The following DTNBP1 variants were observed in gnomAD, a reference collection of about 807,000 sequenced individuals.
DTNBP1 encodes the protein dysbindin.
In DTNBP1, 35 loss-of-function variants were observed where a neutral mutation model predicts 42.8. That is an observed-to-expected ratio of 0.82 (90% CI 0.63 to 1.09). The LOEUF is 1.09. Among genes scored for constraint, DTNBP1 ranks in the 50% least tolerant of loss-of-function variants. DTNBP1 has a pLI of 0.00. For synonymous variants in DTNBP1, 171 were observed against 162.2 expected, an observed-to-expected ratio of 1.05 and a Z score of -0.41; for missense variants, 457 against 424.2, an observed-to-expected ratio of 1.08 and a Z score of -0.68.
intron 7 of DTNBP1, among the ~76,000 whole-genome samples, chr6:15,591,140 C>T (rs1259585743): frequency 2.7e-5 from 4 of 148,112 alleles, no homozygotes; most frequent in African/African-American, 7.5e-5. Flanking sequence ...ACAAGAGTCT[C>T]ATTCTGTGGC....
At chr6:15,661,808 T>C (rs915913500) in intron 1 of DTNBP1, among the ~76,000 whole-genome samples, 7 of 152,224 alleles carry the variant, frequency 4.6e-5, no homozygotes, top group African/African-American at 1.7e-4. Flanking sequence ...AATTAAGCAC[T>C]AAGTAACAAT....
intron 8 of DTNBP1, among the ~76,000 whole-genome samples, chr6:15,529,332 T>G (rs1027920806): frequency 4.6e-5 from 7 of 152,032 alleles, no homozygotes; most frequent in African/African-American, 1.7e-4. Context: ...ATAAGAAAAC[T>G]GGAAACACCC....
intron 2 of DTNBP1, 61 bp from the exon 3 acceptor site, chr6:15,651,424 AGGTAC>A: frequency 6.5e-7 from 1 of 1,548,726 alleles, no homozygotes; most frequent in South Asian, 1.2e-5. Flanking sequence ...AAAAAAAAAA[AGGTAC>A]ATACAAGAAT....
At chr6:15,560,970 A>G (rs1319318203) in intron 7 of DTNBP1, among the ~76,000 whole-genome samples, 1 of 152,214 alleles carries the variant, frequency 6.6e-6, no homozygotes, top group Non-Finnish European at 1.5e-5. Flanking sequence ...GTATAATAAG[A>G]CTAAAGTTTA....
intron 6 of DTNBP1, among the ~76,000 whole-genome samples, chr6:15,606,012 A>C (rs931584237): frequency 6.6e-6 from 1 of 152,248 alleles, no homozygotes; most frequent in East Asian, 1.9e-4. Context: ...GTACAACCAC[A>C]CAAGTGTCTT....
intron 7 of DTNBP1, among the ~76,000 whole-genome samples, chr6:15,578,290 A>G (rs960683970): frequency 6.6e-6 from 1 of 152,228 alleles, no homozygotes; most frequent in Admixed American, 6.5e-5. Flanking sequence ...GAGGAAAGCA[A>G]TGAGGAATGG....
intron 7 of DTNBP1, among the ~76,000 whole-genome samples, chr6:15,559,858 C>CT (rs1221825265): frequency 1.3e-5 from 2 of 152,178 alleles, no homozygotes; most frequent in African/African-American, 4.8e-5. Context: ...ATCTTGACAA[C>CT]TTTTTTGCAG....
At chr6:15,625,753 A>G (rs1236836283) in intron 5 of DTNBP1, among the ~76,000 whole-genome samples, 1 of 152,248 alleles carries the variant, frequency 6.6e-6, no homozygotes, top group Non-Finnish European at 1.5e-5. Flanking sequence ...AGAGGTTATC[A>G]TAAGAGAACA....
chr6:15,592,993 T>G (rs1387203588), intron 7 of DTNBP1, 66 bp downstream of exon 7: 1 of 1,413,540 alleles, frequency 7.1e-7, no homozygotes. Context: ...TTCATCATTG[T>G]CGAGAGAACA....
chr6:15,644,526 T>C (rs575943471), intron 3 of DTNBP1, among the ~76,000 whole-genome samples: 1 of 152,278 alleles, frequency 6.6e-6, no homozygotes, highest in East Asian at 1.9e-4. Flanking sequence ...GACCACATGC[T>C]CAATCATAAA....
chr6:15,608,892 A>G (rs1758227833), intron 6 of DTNBP1, among the ~76,000 whole-genome samples: 1 of 152,216 alleles, frequency 6.6e-6, no homozygotes, highest in African/African-American at 2.4e-5. Flanking sequence ...TATGTATTTG[A>G]CAACAGATCT....
At chr6:15,631,993 G>A (rs960380697) in intron 4 of DTNBP1, among the ~76,000 whole-genome samples, 3 of 152,170 alleles carry the variant, frequency 2.0e-5, no homozygotes, top group Non-Finnish European at 2.9e-5. Flanking sequence ...GTAATCTAAT[G>A]AGTGAAAATT....
chr6:15,585,114 C>G (rs952138080), intron 7 of DTNBP1, among the ~76,000 whole-genome samples: 17 of 117,928 alleles, frequency 1.4e-4, no homozygotes, highest in African/African-American at 5.6e-4. Flanking sequence ...TATATATATT[C>G]AACCTGTATG....
intron 7 of DTNBP1, among the ~76,000 whole-genome samples, chr6:15,549,533 G>A (rs9464796): frequency 0.8 from 116,845 of 145,160 alleles, 47,284 homozygotes; most frequent in East Asian, 1. Flanking sequence ...CCGAAATATC[G>A]CAATCCAGAA....
intron 1 of DTNBP1, among the ~76,000 whole-genome samples, chr6:15,653,509 A>G (rs574582104): frequency 1.1e-4 from 16 of 152,322 alleles, no homozygotes; most frequent in African/African-American, 3.4e-4. Context: ...GCACTGGAAA[A>G]CAGATAAATG....
At chr6:15,590,388 T>TC (rs1181898622) in intron 7 of DTNBP1, among the ~76,000 whole-genome samples, 1 of 152,206 alleles carries the variant, frequency 6.6e-6, no homozygotes, top group Non-Finnish European at 1.5e-5. Context: ...CCTTTCCTCC[T>TC]TTAAACTCTC....
rs115742967 is a variant in DTNBP1 at position 15,560,859 on chromosome 6, C to G, written c.512-27464G>C. On this transcript the variant is annotated intron_variant, in intron 7 of 9. Transcript: ENST00000344537. ...TCAAACCTTTAATAAGAAGTCTACT[C>G]TAAGATTCCTTACGGAAGAAAGTTC... 3.1e-3 allele frequency among the ~76,000 whole-genome samples: 470 copies of G among 152,324 alleles called. 2 individuals carry two copies. The highest frequency in any genetic ancestry group is 4.4e-3 in the Non-Finnish European group (296 of 68,032).
chr6:15,553,849 C>T (rs1774359003), intron 7 of DTNBP1, among the ~76,000 whole-genome samples: 1 of 152,046 alleles, frequency 6.6e-6, no homozygotes, highest in Non-Finnish European at 1.5e-5. Flanking sequence ...GAGAAAACTG[C>T]AGAAACAGGA....
chr6:15,598,372 GATAA>G (rs1291095316), intron 6 of DTNBP1, among the ~76,000 whole-genome samples: 1 of 152,134 alleles, frequency 6.6e-6, no homozygotes, highest in Non-Finnish European at 1.5e-5. Context: ...ACAAATCCAT[GATAA>G]AAGGCTAACA....
Sources: gnomAD v4.1 joint callset for allele counts (sites outside exome capture counted in the v4.1 genomes callset) on GRCh38, gnomAD v4.1.1 for gene constraint, MANE v1.5 for transcripts, NCBI Gene and HGNC (gene_info 2026-07-23, HGNC 2026-07-21) for gene names.